Variants in TMEM181 observed in about 807,000 individuals in gnomAD.
The protein encoded by TMEM181 is transmembrane protein 181.
In TMEM181, 39 loss-of-function variants were observed where a neutral mutation model predicts 71.9. The observed-to-expected ratio is 0.54, with a 90% CI of 0.42 to 0.71. TMEM181 has a LOEUF of 0.71. Among genes scored for constraint, TMEM181 ranks in the 30% least tolerant of loss-of-function variants. The pLI is 0.00. For missense variants in TMEM181, 595 were observed against 583.0 expected (o/e 1.02, Z -0.21); for synonymous variants, 245 against 228.8 (o/e 1.07, Z -0.64).
chr6:158,564,205 A>C (rs1293382664), intron 1 of TMEM181, among the ~76,000 whole-genome samples: 1 of 152,218 alleles, frequency 6.6e-6, no homozygotes, highest in African/African-American at 2.4e-5. Context: ...AGGTTACTTG[A>C]AAAGGAAAGA....
In TMEM181 at chr6:158,576,613, T is replaced by C. The variant is rs188031324; in HGVS notation, c.112+3090T>C. ...GGAAGGCACAGGCTCAGAGAAAACC[T>C]TAAGTTTAAACCTCAGGCTGATCCT... On this transcript the variant is annotated intron_variant, in intron 2 of 16. Coordinates refer to ENST00000684151, the MANE Select transcript of TMEM181 (RefSeq NM_001376852.1). 2.0e-5 allele frequency among the ~76,000 whole-genome samples: 3 copies of C among 152,142 alleles called. No homozygotes were observed. In the East Asian group the frequency reaches 5.8e-4, roughly 29 times the overall value.
In TMEM181 at chr6:158,573,501, G is replaced by A; in HGVS notation, c.90G>A (p.Leu30=). 6.2e-7 allele frequency: 1 copy of A among 1,607,548 alleles called. No individual in the cohort carries two copies. The highest frequency in any genetic ancestry group is 8.5e-7 in the Non-Finnish European group (1 of 1,177,002). ...TCGTCTTCTTCATCTGCTTTGGCCT[G>A]ACCATCTTCGTTGGGATCAGAGGTA... ...VFVVFFICFG[L]TIFVGIRGPK... is the part of the protein sequence containing the mutation. The change falls in exon 2 of 17, where the codon CTG becomes CTA. Residue 30 remains leucine (L), a synonymous_variant. Transcript: ENST00000684151.
chr6:158,608,259 A>C, intron 8 of TMEM181, 74 bp from the exon 9 acceptor site: 1 of 1,527,484 alleles, frequency 6.5e-7, no homozygotes, highest in Non-Finnish European at 8.8e-7. Flanking sequence ...CTGACCCCGC[A>C]GAGGTATGGG....
chr6:158,566,121 C>A (rs561951126), intron 1 of TMEM181, among the ~76,000 whole-genome samples: 9 of 152,244 alleles, frequency 5.9e-5, no homozygotes, highest in Admixed American at 5.2e-4. Flanking sequence ...TGTACCTGGA[C>A]GGTTGGAGTT....
chr6:158,578,557 C>T (rs1783291785), intron 2 of TMEM181, among the ~76,000 whole-genome samples: 1 of 152,096 alleles, frequency 6.6e-6, no homozygotes, highest in Admixed American at 6.6e-5. Flanking sequence ...ACAATTGTGA[C>T]AGCAGTTGAA....
intron 5 of TMEM181, among the ~76,000 whole-genome samples, chr6:158,586,732 G>A (rs1003329440): frequency 6.6e-6 from 1 of 152,196 alleles, no homozygotes; most frequent in Non-Finnish European, 1.5e-5. Flanking sequence ...AGGATCACGT[G>A]GGACTGGCCT....
intron 1 of TMEM181, among the ~76,000 whole-genome samples, chr6:158,562,378 ACT>A (rs754376605): frequency 6.6e-6 from 1 of 150,978 alleles, no homozygotes; most frequent in Non-Finnish European, 1.5e-5. Context: ...CGGAGTTGAG[ACT>A]CTCATGCTCA....
In TMEM181 at chr6:158,634,698, GGTT is replaced by G. The variant is rs1583068928; in HGVS notation, c.*2814_*2816del. On this transcript the variant is annotated 3_prime_UTR_variant, in exon 17 of 17. Coordinates refer to ENST00000684151, the MANE Select transcript of TMEM181 (RefSeq NM_001376852.1). ...TATATACTATGTTCAAGGTTTGTAA[GGTT>G]GTTAATGTACATAATTGCAGATTGC... 1.3e-5 allele frequency: 2 copies of G among 152,148 alleles called. No individual in the cohort carries two copies. The highest frequency in any genetic ancestry group is 1.3e-4 in the Admixed American group (2 of 15,284). The allele number at this position is 152,148 out of a possible 1,614,324, so 9.4% of individuals were successfully genotyped here.
At chr6:158,543,460 C>G (rs1781423365) in intron 1 of TMEM181, among the ~76,000 whole-genome samples, 1 of 152,222 alleles carries the variant, frequency 6.6e-6, no homozygotes, top group Non-Finnish European at 1.5e-5. Flanking sequence ...GAAAACACCA[C>G]AGCCTGCAGG....
rs189046158 is a variant in TMEM181 at position 158,575,561 on chromosome 6, G to T, written c.112+2038G>T. Among the ~76,000 whole-genome samples the T allele has an allele frequency of 4.7e-3, 715 of 152,176 alleles. 7 individuals carry two copies. Among genetic ancestry groups the T allele is most frequent in the African/African-American group, 0.017 (686 of 41,520 alleles). ...TCGAACTCCTGACCTCAGATGATCC[G>T]CCTGCCTCGACCTCCCAAAGTGCTG... On this transcript the variant is annotated intron_variant, in intron 2 of 16. Transcript: ENST00000684151.
intron 3 of TMEM181, among the ~76,000 whole-genome samples, chr6:158,581,933 T>A (rs1044146158): frequency 1.3e-5 from 2 of 152,136 alleles, no homozygotes; most frequent in African/African-American, 4.8e-5. Flanking sequence ...ACAGTTGCCC[T>A]GTATCTTCGA....
rs775724084 is a variant in TMEM181 at position 158,588,366 on chromosome 6, C to G, written c.382-1306C>G. Among the ~76,000 whole-genome samples the G allele has an allele frequency of 6.6e-5, 10 of 152,326 alleles. No individual in the cohort carries two copies. In the South Asian group the frequency reaches 1.2e-3, roughly 19 times the overall value. On this transcript the variant is annotated intron_variant, in intron 5 of 16. Coordinates refer to ENST00000684151, the MANE Select transcript of TMEM181 (RefSeq NM_001376852.1). The stretch of plus-strand genomic sequence containing the variant: ...CTCCCCTCCTCTCTGCTTTCTCCCC[C>G]TTGCCTTAGGTCAGCACCCCACTGT...
rs199672326 is a variant in TMEM181, at chr6:158,607,265, C to T, written c.595C>T (p.Arg199Trp). ...IVTCLFAHSL[R>W]KFSMRDWGIE... ...GCAGTGCCTGTTTGCGCATTCCCTC[C>T]GGAAATTTTCCATGAGAGACTGGGG... Residue 199 changes from arginine to tryptophan, a missense_variant, in exon 8 of 17, where the codon CGG becomes TGG. Arg to Trp is a moderately radical substitution (Grantham distance 101). Transcript: ENST00000684151. 3.2e-4 allele frequency: 510 copies of T among 1,614,154 alleles called. 1 individual carries two copies. The highest frequency in any genetic ancestry group is 3.7e-4 in the Non-Finnish European group (442 of 1,180,024).
rs1262620939 is a variant in TMEM181, at chr6:158,631,312, T to G, written c.1283-11T>G. 1.2e-6 allele frequency: 2 copies of G among 1,614,032 alleles called. No individual in the cohort carries two copies. Among genetic ancestry groups the G allele is most frequent in the African/African-American group, 2.7e-5 (2 of 74,936 alleles). ...ATTGCTTGAGATGCAAATGCTCTTG[T>G]TGGTTTTCAGAGTCCCAGCTGAAAG... On this transcript the variant is annotated splice_polypyrimidine_tract_variant and intron_variant, in intron 15 of 16. Transcript: ENST00000684151.
intron 8 of TMEM181, 87 bp from the exon 9 acceptor site, chr6:158,608,246 G>A: frequency 6.5e-7 from 1 of 1,538,524 alleles, no homozygotes. Flanking sequence ...TCTCTGCTAG[G>A]TGCTGACCCC....
intron 1 of TMEM181, among the ~76,000 whole-genome samples, chr6:158,566,116 C>G (rs890069263): frequency 1.4e-4 from 22 of 152,092 alleles, no homozygotes; most frequent in African/African-American, 5.1e-4. Context: ...GCTTGTGTAC[C>G]TGGACGGTTG....
chr6:158,536,669 A>G, exon 1 of TMEM181: 1 of 1,513,276 alleles, frequency 6.6e-7, no homozygotes, highest in Non-Finnish European at 8.8e-7. Context: ...CTGGGAGAAG[A>G]GAGGGGGCGC....
At chr6:158,631,194 C>T (rs1786644245) in intron 15 of TMEM181, 129 bp from the exon 16 acceptor site, 6 of 930,502 alleles carry the variant, frequency 6.4e-6, no homozygotes, top group Middle Eastern at 2.1e-4. Context: ...CAGGTTTATA[C>T]AGACATGGCA....
At chr6:158,597,642 A>G (rs1156928802) in intron 6 of TMEM181, among the ~76,000 whole-genome samples, 1 of 151,866 alleles carries the variant, frequency 6.6e-6, no homozygotes, top group Non-Finnish European at 1.5e-5. Context: ...CTGGAACCAG[A>G]CAGGCACACA....
Sources: allele counts gnomAD v4.1 joint callset (sites outside exome capture counted in the v4.1 genomes callset), GRCh38; gene constraint gnomAD v4.1.1; transcripts MANE v1.5; gene names NCBI Gene and HGNC (gene_info 2026-07-23, HGNC 2026-07-21).